CIC: variants seen among roughly 807,000 people sequenced by gnomAD.
The protein encoded by CIC is capicua transcriptional repressor, also known as protein capicua homolog.
CIC carries 18 observed loss-of-function variants against 115.7 expected under a neutral mutation model. That is an observed-to-expected ratio of 0.16 (90% CI 0.11 to 0.23). The LOEUF is 0.23. Among genes scored for constraint, CIC ranks in the 10% least tolerant of loss-of-function variants. The probability of loss-of-function intolerance (pLI) is 1.00; values close to 1 mark genes in which losing one functional copy is unlikely to be tolerated. For synonymous variants in CIC, 1,076 were observed against 923.0 expected (o/e 1.17, Z -3.01); for missense variants, 2,000 against 2,159.3 (o/e 0.93, Z 1.46).
chr19:42,292,680 C>T lies in CIC; in HGVS notation c.6017C>T (p.Ser2006Phe). The stretch of plus-strand genomic sequence containing the variant: ...GGTCCTGTCATAACAGCATTTTACT[C>T]TGGCAGCCCTGCACCCACCTCCTCA... ...PGGPVITAFY[S>F]GSPAPTSSAP... Residue 2006 changes from serine to phenylalanine, a missense_variant, in exon 15 of 21, where the codon TCT (serine) becomes TTT (phenylalanine). By Grantham distance (155) the Ser-to-Phe change is radical (BLOSUM62 -2). Around this residue, in one of 8 missense-constraint regions of CIC, gnomAD observed 1,466 missense variants for 1,390.4 expected, o/e 1.05. Transcript: ENST00000681038. The T allele has an allele frequency of 1.2e-6, 2 of 1,613,898 alleles. No individual in the cohort carries two copies. Among genetic ancestry groups the T allele is most frequent in the Non-Finnish European group, 1.7e-6 (2 of 1,179,970 alleles).
At chr19:42,284,909 C>G (rs2037518192) in intron 2 of CIC, 1 of 802,902 alleles carries the variant, frequency 1.2e-6, no homozygotes, top group Admixed American at 2.1e-5. Context: ...TTACGGAGCT[C>G]GGCCGGGCCG....
chr19:42,290,222 C>T lies in CIC; in HGVS notation c.4192-11C>T, dbSNP rs2037974422. On this transcript the variant is annotated splice_polypyrimidine_tract_variant and intron_variant, in intron 10 of 20. Coordinates refer to ENST00000681038, the MANE Select transcript of CIC (RefSeq NM_001386298.1). ...GTCCTGACCTGGGGTGTCTCCCTTCCTTTCATGCAGGGCTTTGGTCGGAAG... is the reference window on the plus strand; with the variant it reads ...GTCCTGACCTGGGGTGTCTCCCTTCTTTTCATGCAGGGCTTTGGTCGGAAG... The T allele has an allele frequency of 2.5e-6, 4 of 1,614,088 alleles. No homozygotes were observed. The highest frequency in any genetic ancestry group is 1.7e-5 in the Admixed American group (1 of 60,020).
intron 2 of CIC, among the ~76,000 whole-genome samples, chr19:42,279,280 T>A (rs1029843516): frequency 2.0e-5 from 3 of 152,154 alleles, no homozygotes; most frequent in African/African-American, 7.2e-5. Context: ...TCCCTCCTCA[T>A]CCCTCTGCCA....
At position 42,292,776 on chromosome 19, in the gene CIC, C is replaced by T. The variant is rs199878345; in HGVS notation, c.6113C>T (p.Pro2038Leu). The T allele has an allele frequency of 1.2e-6, 2 of 1,613,774 alleles. No homozygotes were observed. The highest frequency in any genetic ancestry group is 1.1e-5 in the South Asian group (1 of 91,080). The change falls in exon 15 of 21, where the codon CCT becomes CTT. Residue 2038 changes from proline to leucine, a missense_variant. Pro to Leu is a moderately conservative substitution (Grantham distance 98). Around this residue, in one of 8 missense-constraint regions of CIC, gnomAD observed 1,466 missense variants for 1,390.4 expected, o/e 1.05. Coordinates refer to ENST00000681038, the MANE Select transcript of CIC (RefSeq NM_001386298.1). ...VYTVATSTTP[P>L]AATILPKGPP... is the part of the protein sequence containing the mutation. ...ACTGTGGCCACCAGCACAACCCCAC[C>T]TGCAGCCACCATTCTGCCCAAGGGC... is the stretch of plus-strand genomic sequence containing the variant.
rs1337284299 is a variant in CIC at position 42,272,140 on chromosome 19, G to A, written c.357G>A (p.Lys119=). The change falls in exon 2 of 21, where the codon AAG becomes AAA. Residue 119 remains lysine (K), a synonymous_variant. Coordinates refer to ENST00000681038, the MANE Select transcript of CIC (RefSeq NM_001386298.1). ...KTATFKSRAP[K]KKYVEEHGAG... The stretch of plus-strand genomic sequence containing the variant: ...CCACGTTCAAGTCTCGAGCGCCCAA[G>A]AAGAAGTATGTGGAGGAGCACGGAG... The A allele has an allele frequency of 5.0e-6, 2 of 399,082 alleles. No homozygotes were observed. Among genetic ancestry groups the A allele is most frequent in the Non-Finnish European group, 8.8e-6 (2 of 226,500 alleles). The allele number at this position is 399,082 out of a possible 1,614,324, so 24.7% of individuals were successfully genotyped here.
chr19:42,293,880 G>A (rs1344200106), intron 17 of CIC, 44 bp downstream of exon 17: 1 of 1,613,144 alleles, frequency 6.2e-7, no homozygotes, highest in Admixed American at 1.7e-5. Flanking sequence ...TAGGGTGGCG[G>A]GAGTGGGAGC....
intron 13 of CIC, 25 bp downstream of exon 13, chr19:42,292,232 AG>A: frequency 6.2e-7 from 1 of 1,613,832 alleles, no homozygotes; most frequent in Non-Finnish European, 8.5e-7. Flanking sequence ...GCCCATACTC[AG>A]AGGCCAGGGA....
chr19:42,272,909 C>T lies in CIC; in HGVS notation c.1126C>T (p.Pro376Ser). ...TLPPCPAALD[P>S]KQPEDAEVSK... The stretch of plus-strand genomic sequence containing the variant: ...GCCACCCTGCCCTGCTGCCCTGGAC[C>T]CCAAACAGCCCGAGGATGCTGAGGT... The change falls in exon 2 of 21, where the codon CCC (proline) becomes TCC (serine). Residue 376 changes from proline to serine, a missense_variant. This residue lies in a region of CIC where 222 missense variants were observed against 247.7 expected (regional missense o/e 0.90). Coordinates refer to ENST00000681038, the MANE Select transcript of CIC (RefSeq NM_001386298.1). 2.5e-6 allele frequency: 1 copy of T among 399,386 alleles called. No individual in the cohort carries two copies. The highest frequency in any genetic ancestry group is 4.4e-6 in the Non-Finnish European group (1 of 226,628). 24.7% of individuals were successfully genotyped at this position (399,386 alleles called of 1,614,324 possible). A position where few individuals can be genotyped will look rare whatever the true frequency, so the allele number is the denominator to read the frequency against.
chr19:42,268,619 A>C (rs900366234), upstream of CIC: 3 of 152,300 alleles, frequency 2.0e-5, no homozygotes. Context: ...TGGGTCTAAG[A>C]TACTCCTGGC....
rs754063822 is a variant in CIC, at chr19:42,287,361, C to T, written c.3221C>T (p.Pro1074Leu). 1.1e-5 allele frequency: 17 copies of T among 1,613,982 alleles called. No homozygotes were observed. Among genetic ancestry groups the T allele is most frequent in the African/African-American group, 1.3e-5 (1 of 74,906 alleles). Residue 1074 changes from proline (P) to leucine (L), a missense_variant, in exon 5 of 21, where the codon CCG becomes CTG. Pro to Leu is a moderately conservative substitution (Grantham distance 98). Coordinates refer to ENST00000681038, the MANE Select transcript of CIC (RefSeq NM_001386298.1). The surrounding 1 kb of genome is among the most constrained non-coding windows in gnomAD (Gnocchi z 8.7). ...TCTCCTGAGATCCAGTTGCCTCTAC[C>T]GCCCGGAAAACGTCGGACCCAGTCC... Reference protein sequence around the residue: ...IMSPEIQLPLPPGKRRTQSLS... With the variant: ...IMSPEIQLPLLPGKRRTQSLS...
intron 2 of CIC, among the ~76,000 whole-genome samples, chr19:42,278,459 CTCTG>C (rs1418362092): frequency 6.6e-6 from 1 of 152,208 alleles, no homozygotes; most frequent in African/African-American, 2.4e-5. Flanking sequence ...CTCTTTGGAC[CTCTG>C]TCTGTCTGAC....
chr19:42,292,360 C>T lies in CIC; in HGVS notation c.5796C>T (p.Ser1932=). 6.2e-7 allele frequency: 1 copy of T among 1,612,984 alleles called. No homozygotes were observed. The highest frequency in any genetic ancestry group is 8.5e-7 in the Non-Finnish European group (1 of 1,179,886). Residue 1932 remains serine, a synonymous_variant, in exon 14 of 21, where the codon TCC becomes TCT. Coordinates refer to ENST00000681038, the MANE Select transcript of CIC (RefSeq NM_001386298.1). ...TGCCCCTGGGTACCAGCCCTGCGTC[C>T]AGCCAGGCTGGAACAGTCACCTCGT... is the stretch of plus-strand genomic sequence containing the variant. ...HALPLGTSPA[S]SQAGTVTSYG... is the part of the protein sequence containing the mutation.
At chr19:42,279,474 G>A (rs1337948956) in intron 2 of CIC, among the ~76,000 whole-genome samples, 6 of 152,246 alleles carry the variant, frequency 3.9e-5, no homozygotes, top group Non-Finnish European at 8.8e-5. Context: ...TGACATTTGA[G>A]CTGAAGTATG....
chr19:42,284,983 T>A (rs1260836521), intron 2 of CIC, among the ~76,000 whole-genome samples: 1 of 151,800 alleles, frequency 6.6e-6, no homozygotes, highest in African/African-American at 2.4e-5. Flanking sequence ...AGCTGTGATG[T>A]TAAAGTGATG....
At position 42,289,179 on chromosome 19, in the gene CIC, A is replaced by G. The variant is rs1306910781; in HGVS notation, c.3862-2A>G. The G allele has an allele frequency of 6.2e-7, 1 of 1,613,386 alleles. No individual in the cohort carries two copies. Among genetic ancestry groups the G allele is most frequent in the African/African-American group, 1.3e-5 (1 of 75,058 alleles). On this transcript the variant is annotated splice_acceptor_variant, in intron 8 of 20. Coordinates refer to ENST00000681038, the MANE Select transcript of CIC (RefSeq NM_001386298.1). LOFTEE classifies it high-confidence loss of function. ...GAACCCTCTCTGCCACCTATCCTGCAGATGGTGTCTGGCCCTGCATCGTAC... is the reference window on the plus strand; with the variant it reads ...GAACCCTCTCTGCCACCTATCCTGCGGATGGTGTCTGGCCCTGCATCGTAC...
rs2147248964 is a variant in CIC at position 42,290,252 on chromosome 19, T to G, written c.4211T>G (p.Phe1404Cys). Residue 1404 changes from phenylalanine (F) to cysteine (C), a missense_variant, in exon 11 of 21, where the codon TTT becomes TGT. Transcript: ENST00000681038. ...EGNKGFGRKV[F>C]SPVIRSSFTH... is the part of the protein sequence containing the mutation. ...ATGCAGGGCTTTGGTCGGAAGGTGT[T>G]TTCACCTGTGATCCGTTCCTCCTTT... 6.2e-7 allele frequency: 1 copy of G among 1,614,010 alleles called. No individual in the cohort carries two copies. The highest frequency in any genetic ancestry group is 8.5e-7 in the Non-Finnish European group (1 of 1,179,952).
chr19:42,292,107 C>T lies in CIC; in HGVS notation c.5635C>T (p.Pro1879Ser), dbSNP rs184567480. The change falls in exon 13 of 21, where the codon CCT (proline) becomes TCT (serine). Residue 1879 changes from proline (P) to serine (S), a missense_variant. By Grantham distance (74) the Pro-to-Ser change is moderately conservative. Coordinates refer to ENST00000681038, the MANE Select transcript of CIC (RefSeq NM_001386298.1). ...PSKIIQLTPVPVSTPSGLVPP... is the reference protein window; with the variant it reads ...PSKIIQLTPVSVSTPSGLVPP... ...ACAGATCATCCAGCTGACCCCGGTG[C>T]CTGTGAGCACACCCAGCGGCCTGGT... is the stretch of plus-strand genomic sequence containing the variant. 1 of 1,613,968 alleles carries T rather than the reference C, an allele frequency of 6.2e-7. No homozygotes were observed. Among genetic ancestry groups the T allele is most frequent in the East Asian group, 2.2e-5 (1 of 44,876 alleles).
intron 2 of CIC, among the ~76,000 whole-genome samples, chr19:42,283,466 G>A (rs747587566): frequency 2.6e-5 from 4 of 152,112 alleles, no homozygotes; most frequent in Non-Finnish European, 4.4e-5. Flanking sequence ...TATGTGAGGT[G>A]TGACAGCGTG....
rs1195808766 is a variant in CIC, at chr19:42,293,822, T to C, written c.6753T>C (p.Phe2251=). ...GGCCCCCGCCCCTGAAGAAGACCTTTGACTCTGTGGACAAGTGAGCATGGG... is the reference window on the plus strand; with the variant it reads ...GGCCCCCGCCCCTGAAGAAGACCTTCGACTCTGTGGACAAGTGAGCATGGG... ...KVRPPPLKKT[F]DSVDNRVLSE... The change falls in exon 17 of 21, where the codon TTT becomes TTC. Residue 2251 remains phenylalanine, a synonymous_variant. Coordinates refer to ENST00000681038, the MANE Select transcript of CIC (RefSeq NM_001386298.1). The C allele has an allele frequency of 1.9e-6, 3 of 1,612,584 alleles. No individual in the cohort carries two copies. The highest frequency in any genetic ancestry group is 2.5e-6 in the Non-Finnish European group (3 of 1,179,560).
Sources: allele counts gnomAD v4.1 joint callset (sites outside exome capture counted in the v4.1 genomes callset), GRCh38; gene constraint gnomAD v4.1.1; regional missense constraint gnomAD v4.1.1; non-coding constraint Gnocchi (gnomAD v3.1); transcripts MANE v1.5; gene names NCBI Gene and HGNC (gene_info 2026-07-23, HGNC 2026-07-21).